BMP7: variants seen among roughly 807,000 people sequenced by gnomAD.
BMP7 encodes the protein bone morphogenetic protein 7.
Under a neutral mutation model 41.2 loss-of-function variants are expected in BMP7, and 12 were observed. That is an observed-to-expected ratio of 0.29 (90% CI 0.19 to 0.47). The LOEUF is 0.47. Among genes scored for constraint, BMP7 ranks in the 20% least tolerant of loss-of-function variants. BMP7 has a pLI of 0.99. For synonymous variants in BMP7, 248 were observed against 250.0 expected, an observed-to-expected ratio of 0.99 and a Z score of 0.07; for missense variants, 467 against 606.0, an observed-to-expected ratio of 0.77 and a Z score of 2.41.
Position 57,247,457 on chromosome 20 carries a change from G to A in BMP7, c.418+18248C>T, listed in dbSNP as rs149925854. 2.6e-3 allele frequency among the ~76,000 whole-genome samples: 392 copies of A among 152,282 alleles called. 1 individual carries two copies. Among genetic ancestry groups the A allele is most frequent in the African/African-American group, 9.0e-3 (372 of 41,564 alleles). On this transcript the variant is annotated intron_variant, in intron 1 of 6. Coordinates refer to ENST00000395863, the MANE Select transcript of BMP7 (RefSeq NM_001719.3). The stretch of plus-strand genomic sequence containing the variant: ...GAGAACAGAGAGTTCCGTTTGCTCA[G>A]CAGCCATTTAATAGAAAGCAAAATA...
chr20:57,223,933 C>T (rs1361167016), intron 2 of BMP7, among the ~76,000 whole-genome samples: 5 of 152,224 alleles, frequency 3.3e-5, no homozygotes, highest in Admixed American at 3.3e-4. Flanking sequence ...TGGCCCACTG[C>T]CCGAGGGCCG....
rs796259230 is a variant in BMP7 at position 57,219,263 on chromosome 20, C to G, written c.611+8966G>C. On this transcript the variant is annotated intron_variant, in intron 2 of 6. Coordinates refer to ENST00000395863, the MANE Select transcript of BMP7 (RefSeq NM_001719.3). ...GGTGTTTGCTGGTAGCTGGTGTTTG[C>G]TGGTAGGTGGTGTTTGGTGGTAGGT... 1.3e-4 allele frequency among the ~76,000 whole-genome samples: 16 copies of G among 125,858 alleles called. 2 individuals are homozygous for G. The highest frequency in any genetic ancestry group is 9.2e-4 in the African/African-American group (16 of 17,394). 82.6% of individuals were successfully genotyped at this position (125,858 alleles called of 152,430 possible).
rs374557558 is a variant in BMP7, at chr20:57,216,822, C to T, written c.611+11407G>A. 2.2e-3 allele frequency among the ~76,000 whole-genome samples: 339 copies of T among 152,252 alleles called. 4 individuals carry two copies. The Middle Eastern group carries it at 0.027, about 12-fold the overall frequency. ...CCAAGGTGGCAGTTGGTGAGGCTGA[C>T]ATGGTGGGAGTCACCACCTGAGCAG... On this transcript the variant is annotated intron_variant, in intron 2 of 6. Transcript: ENST00000395863.
In BMP7 at chr20:57,190,818, C is replaced by T. The variant is rs951176021; in HGVS notation, c.761-6899G>A. On this transcript the variant is annotated intron_variant, in intron 3 of 6. Transcript: ENST00000395863. Reference sequence around the variant, plus strand: ...TGCACCCACTGCTCCTGCACAGAAGCCAGCTTTAACGCTGGCTCCAAAGCT... The same window carrying T: ...TGCACCCACTGCTCCTGCACAGAAGTCAGCTTTAACGCTGGCTCCAAAGCT... Among the ~76,000 whole-genome samples the T allele has an allele frequency of 3.3e-5, 5 of 152,300 alleles. 1 individual carries two copies. The South Asian group carries it at 1.0e-3, about 32-fold the overall frequency.
chr20:57,197,372 T>C (rs780227429), intron 3 of BMP7, among the ~76,000 whole-genome samples: 2 of 152,100 alleles, frequency 1.3e-5, no homozygotes, highest in Admixed American at 6.5e-5. Flanking sequence ...AGACCTAACA[T>C]GTTAGAGGGT....
intron 2 of BMP7, among the ~76,000 whole-genome samples, chr20:57,209,249 T>TTATATATATATATATATA (rs57062226): frequency 6.3e-5 from 6 of 94,868 alleles, no homozygotes; most frequent in Non-Finnish European, 8.6e-5. Context: ...TTATATATTT[T>TTATATATATATATATATA]TATATATATA....
chr20:57,251,790 T>C (rs2066114896), intron 1 of BMP7, among the ~76,000 whole-genome samples: 1 of 152,042 alleles, frequency 6.6e-6, no homozygotes. Flanking sequence ...AAAAATTATC[T>C]GGGCGTGGTG....
chr20:57,218,541 G>A (rs1297662063), intron 2 of BMP7, among the ~76,000 whole-genome samples: 1 of 151,570 alleles, frequency 6.6e-6, no homozygotes, highest in Non-Finnish European at 1.5e-5. Context: ...GGTGTTTGGT[G>A]GTAGCTGGTG....
intron 1 of BMP7, among the ~76,000 whole-genome samples, chr20:57,237,248 G>A (rs540924275): frequency 2.0e-5 from 3 of 152,246 alleles, no homozygotes; most frequent in Admixed American, 6.5e-5. Context: ...AGAACTAATC[G>A]AAGTCCACAT....
At chr20:57,251,806 C>T (rs1369387968) in intron 1 of BMP7, among the ~76,000 whole-genome samples, 3 of 152,144 alleles carry the variant, frequency 2.0e-5, no homozygotes, top group South Asian at 2.1e-4. Context: ...TGGTGATGCA[C>T]GCCTGTAATC....
At chr20:57,176,928 A>G (rs1308775346) in intron 4 of BMP7, among the ~76,000 whole-genome samples, 1 of 152,168 alleles carries the variant, frequency 6.6e-6, no homozygotes, top group Non-Finnish European at 1.5e-5. Flanking sequence ...AGCTTCTAGG[A>G]TAATGAGAAA....
intron 1 of BMP7, among the ~76,000 whole-genome samples, chr20:57,233,800 A>G (rs1046060429): frequency 1.3e-5 from 2 of 152,234 alleles, no homozygotes; most frequent in Admixed American, 6.5e-5. Flanking sequence ...TGGTGCTTAA[A>G]CAGAACCTGC....
At chr20:57,247,627 T>G (rs899572908) in intron 1 of BMP7, among the ~76,000 whole-genome samples, 1 of 152,160 alleles carries the variant, frequency 6.6e-6, no homozygotes, top group South Asian at 2.1e-4. Flanking sequence ...CTAGAAAACA[T>G]TTGATCAGGC....
chr20:57,199,283 C>A (rs546473889), intron 3 of BMP7, among the ~76,000 whole-genome samples: 1 of 152,306 alleles, frequency 6.6e-6, no homozygotes, highest in East Asian at 1.9e-4. Flanking sequence ...AGCCCAGGCA[C>A]CATCTTGTAA....
At chr20:57,221,113 C>G (rs192892974) in intron 2 of BMP7, among the ~76,000 whole-genome samples, 4 of 152,150 alleles carry the variant, frequency 2.6e-5, no homozygotes, top group African/African-American at 9.7e-5. Context: ...GTGAGCAAAA[C>G]GAACAAAACT....
chr20:57,181,095 C>T (rs908828460), intron 4 of BMP7, among the ~76,000 whole-genome samples: 1 of 152,166 alleles, frequency 6.6e-6, no homozygotes, highest in African/African-American at 2.4e-5. Flanking sequence ...GGTGGCAGGG[C>T]AGGTTTGCAC....
intron 1 of BMP7, among the ~76,000 whole-genome samples, chr20:57,236,639 C>T (rs776334731): frequency 1.3e-4 from 20 of 152,062 alleles, no homozygotes; most frequent in African/African-American, 2.7e-4. Flanking sequence ...GGCAAGATGG[C>T]GCAACAGTGG....
intron 1 of BMP7, among the ~76,000 whole-genome samples, chr20:57,254,647 T>TAA (rs11477082): frequency 1.4e-5 from 2 of 143,318 alleles, no homozygotes; most frequent in Non-Finnish European, 3.1e-5. Flanking sequence ...ATTGATACAG[T>TAA]AAAAAAAAAA....
At position 57,228,247 on chromosome 20, in the gene BMP7, A is replaced by G. The variant is rs376798352; in HGVS notation, c.593T>C (p.Leu198Pro). 2.0e-4 allele frequency: 329 copies of G among 1,613,594 alleles called. No homozygotes were observed. The highest frequency in any genetic ancestry group is 2.7e-4 in the Non-Finnish European group (323 of 1,180,034). Residue 198 changes from leucine to proline, a missense_variant, in exon 2 of 7, where the codon CTC becomes CCC. Transcript: ENST00000395863. This position sits in a 1 kb window ranked among gnomAD's most constrained non-coding sequence, Gnocchi z 4.5. ...CACCCACCTGCCCAAGTGCTCCTGG[A>G]GCACCTGATAAACGCTGATCCGGAA... ...ETFRISVYQV[L>P]QEHLGRESDL...
Sources: gnomAD v4.1 joint callset for allele counts (sites outside exome capture counted in the v4.1 genomes callset) on GRCh38, gnomAD v4.1.1 for gene constraint, Gnocchi (gnomAD v3.1) non-coding constraint, MANE v1.5 for transcripts, NCBI Gene and HGNC (gene_info 2026-07-23, HGNC 2026-07-21) for gene names.